FHIT: variants seen among roughly 807,000 people sequenced by gnomAD.
FHIT encodes the protein fragile histidine triad diadenosine triphosphatase.
A neutral mutation model predicts 17.9 loss-of-function variants in FHIT; 19 were observed. That is an observed-to-expected ratio of 1.06 (90% CI 0.74 to 1.56). The LOEUF is 1.56. Among genes scored for constraint, FHIT ranks in the 40% most tolerant of loss-of-function variants. FHIT has a pLI of 0.00. For missense variants in FHIT, 248 were observed against 189.2 expected (o/e 1.31, Z -1.82); for synonymous variants, 81 against 69.7 (o/e 1.16, Z -0.81).
intron 4 of FHIT, among the ~76,000 whole-genome samples, chr3:60,595,084 A>T (rs1371766928): frequency 6.6e-6 from 1 of 152,120 alleles, no homozygotes; most frequent in Non-Finnish European, 1.5e-5. Context: ...AGCTACTGTG[A>T]GGACAGGATA....
chr3:60,843,244 G>A (rs1016611808), intron 3 of FHIT, among the ~76,000 whole-genome samples: 6 of 152,128 alleles, frequency 3.9e-5, no homozygotes, highest in African/African-American at 9.7e-5. Flanking sequence ...GAAGCTGACC[G>A]AGGCATTCAG....
intron 1 of FHIT, among the ~76,000 whole-genome samples, chr3:61,247,063 C>T (rs1337674461): frequency 6.6e-6 from 1 of 151,858 alleles, no homozygotes; most frequent in Non-Finnish European, 1.5e-5. Flanking sequence ...AGAATATACC[C>T]TCACTCACCC....
In FHIT at chr3:60,098,538, C is replaced by A. The variant is rs1015472426; in HGVS notation, c.104-84386G>T. Among the ~76,000 whole-genome samples, 16 of 152,150 alleles carry A rather than the reference C, an allele frequency of 1.1e-4. No individual in the cohort carries two copies. The East Asian group carries it at 2.5e-3, about 24-fold the overall frequency. ...TCTTTTGAGAAATGTCTGTTCATAT[C>A]CTTTGCCCACTTTTTGATGGGGTTG... On this transcript the variant is annotated intron_variant, in intron 5 of 9. Transcript: ENST00000492590.
chr3:60,174,297 A>G (rs1701569817), intron 5 of FHIT, among the ~76,000 whole-genome samples: 1 of 152,064 alleles, frequency 6.6e-6, no homozygotes, highest in African/African-American at 2.4e-5. Flanking sequence ...GTCCTTGGGT[A>G]AGGGACCCAC....
intron 5 of FHIT, among the ~76,000 whole-genome samples, chr3:60,417,823 G>A (rs1559896581): frequency 2.6e-5 from 4 of 152,124 alleles, no homozygotes; most frequent in Admixed American, 2.0e-4. Flanking sequence ...TGTGTTAAGA[G>A]CATCTCAGGC....
chr3:61,100,964 T>C (rs1233498268), intron 2 of FHIT, among the ~76,000 whole-genome samples: 1 of 152,222 alleles, frequency 6.6e-6, no homozygotes, highest in African/African-American at 2.4e-5. Context: ...TATTAGCCCT[T>C]TGTCAGATGA....
intron 5 of FHIT, among the ~76,000 whole-genome samples, chr3:60,202,029 A>G (rs1559723147): frequency 2.0e-5 from 3 of 152,164 alleles, no homozygotes; most frequent in African/African-American, 7.2e-5. Context: ...CAAAGAGGAG[A>G]AAAATAATCT....
intron 4 of FHIT, among the ~76,000 whole-genome samples, chr3:60,713,012 A>T (rs1474878725): frequency 1.3e-5 from 2 of 151,776 alleles, no homozygotes; most frequent in African/African-American, 4.8e-5. Context: ...TCTAAAATTG[A>T]CCACATAGTT....
chr3:60,564,760 G>C (rs529662413), intron 4 of FHIT, among the ~76,000 whole-genome samples: 5 of 152,276 alleles, frequency 3.3e-5, no homozygotes, highest in East Asian at 1.9e-4. Flanking sequence ...AGCAAAGAAA[G>C]TGATTTCTTG....
intron 7 of FHIT, among the ~76,000 whole-genome samples, chr3:59,994,925 G>A (rs1374388740): frequency 6.6e-6 from 1 of 152,090 alleles, no homozygotes; most frequent in Non-Finnish European, 1.5e-5. Context: ...CACAACAGAT[G>A]GCAGAGTGTT....
In FHIT at chr3:61,054,999, C is replaced by T. The variant is rs139428813; in HGVS notation, c.-163-12900G>A. Among the ~76,000 whole-genome samples the T allele has an allele frequency of 7.8e-3, 1,194 of 152,338 alleles. 9 individuals are homozygous for T. Among genetic ancestry groups the T allele is most frequent in the Non-Finnish European group, 0.013 (859 of 68,034 alleles). On this transcript the variant is annotated intron_variant, in intron 2 of 9. Coordinates refer to ENST00000492590, the MANE Select transcript of FHIT (RefSeq NM_002012.4). ...CGTTATACCTCAAGGAGAACCTTCCCTGCTTTGGAACAGGGCACATTACAC... is the reference window on the plus strand; with the variant it reads ...CGTTATACCTCAAGGAGAACCTTCCTTGCTTTGGAACAGGGCACATTACAC...
At chr3:60,194,263 G>C (rs979902445) in intron 5 of FHIT, among the ~76,000 whole-genome samples, 1 of 151,910 alleles carries the variant, frequency 6.6e-6, no homozygotes, top group African/African-American at 2.4e-5. Context: ...AACAGAATAG[G>C]GAACCTAGAA....
At chr3:60,056,226 C>G (rs1255296298) in intron 5 of FHIT, among the ~76,000 whole-genome samples, 1 of 152,174 alleles carries the variant, frequency 6.6e-6, no homozygotes, top group Non-Finnish European at 1.5e-5. Context: ...TCTTAAGAGA[C>G]ACACAGAGGG....
At chr3:59,788,784 A>C (rs1304667980) in intron 8 of FHIT, among the ~76,000 whole-genome samples, 2 of 151,548 alleles carry the variant, frequency 1.3e-5, no homozygotes, top group Non-Finnish European at 1.5e-5. Flanking sequence ...AGGTACAAGA[A>C]AGGAAGATGG....
At chr3:60,485,547 A>G (rs1485720003) in intron 5 of FHIT, among the ~76,000 whole-genome samples, 2 of 152,046 alleles carry the variant, frequency 1.3e-5, no homozygotes, top group African/African-American at 4.8e-5. Context: ...GCAAACTAAC[A>G]AAGAACAGAA....
At chr3:60,419,899 A>C (rs1217037083) in intron 5 of FHIT, among the ~76,000 whole-genome samples, 2 of 152,186 alleles carry the variant, frequency 1.3e-5, no homozygotes, top group African/African-American at 2.4e-5. Flanking sequence ...TAGAGAATTC[A>C]TGTCAATTTT....
At chr3:61,094,450 A>G (rs2106824067) in intron 2 of FHIT, among the ~76,000 whole-genome samples, 1 of 152,256 alleles carries the variant, frequency 6.6e-6, no homozygotes, top group South Asian at 2.1e-4. Flanking sequence ...AAATTAGACA[A>G]TTCCCATATG....
chr3:61,188,701 G>A (rs1314884967), intron 2 of FHIT, among the ~76,000 whole-genome samples: 9 of 152,118 alleles, frequency 5.9e-5, no homozygotes, highest in Middle Eastern at 3.4e-3. Flanking sequence ...CTGGCAAACC[G>A]AATCCAGCAG....
chr3:61,083,368 A>C (rs1575981020), intron 2 of FHIT, among the ~76,000 whole-genome samples: 1 of 152,140 alleles, frequency 6.6e-6, no homozygotes, highest in African/African-American at 2.4e-5. Context: ...AGGCGGGCGG[A>C]TCACGAGGTC....
Sources: allele counts gnomAD v4.1 joint callset (sites outside exome capture counted in the v4.1 genomes callset), GRCh38; gene constraint gnomAD v4.1.1; transcripts MANE v1.5; gene names NCBI Gene and HGNC (gene_info 2026-07-23, HGNC 2026-07-21).